Variants in TNNI3K observed in about 807,000 individuals in gnomAD.
TNNI3K encodes TNNI3 interacting kinase, also known as serine/threonine-protein kinase TNNI3K.
In TNNI3K, 140 loss-of-function variants were observed where a neutral mutation model predicts 114.5. The ratio of observed to expected loss-of-function variants is 1.22; its 90% confidence interval spans 1.07 to 1.41. The LOEUF is 1.41. Ranked by LOEUF, TNNI3K falls within the 40% of genes most tolerant of loss-of-function variation. The pLI is 0.00. For missense variants in TNNI3K, 1,125 were observed against 1,007.6 expected (o/e 1.12, Z -1.58); for synonymous variants, 347 against 347.5 (o/e 1.00, Z 0.02).
At chr1:74,511,409 C>T (rs1670215304) in intron 23 of TNNI3K, among the ~76,000 whole-genome samples, 1 of 152,006 alleles carries the variant, frequency 6.6e-6, no homozygotes, top group Admixed American at 6.6e-5. Context: ...GCCTCGAACT[C>T]CTGGTCTCGA....
At chr1:74,398,009 A>C (rs1311982321) in intron 17 of TNNI3K, among the ~76,000 whole-genome samples, 1 of 152,220 alleles carries the variant, frequency 6.6e-6, no homozygotes, top group Non-Finnish European at 1.5e-5. Context: ...AAATTAATAC[A>C]TGGAGAACTG....
intron 20 of TNNI3K, among the ~76,000 whole-genome samples, chr1:74,444,454 AC>A (rs1557569537): frequency 6.6e-6 from 1 of 152,128 alleles, no homozygotes; most frequent in Non-Finnish European, 1.5e-5. Flanking sequence ...AGAAAAAAAA[AC>A]CTAGGAATAC....
At chr1:74,303,583 T>A (rs4333810) in intron 5 of TNNI3K, among the ~76,000 whole-genome samples, 1 of 152,108 alleles carries the variant, frequency 6.6e-6, no homozygotes, top group African/African-American at 2.4e-5. Context: ...CTGATGGAGA[T>A]GTACAAGAAG....
At chr1:74,253,485 G>C (rs543877216) in intron 4 of TNNI3K, among the ~76,000 whole-genome samples, 1 of 152,136 alleles carries the variant, frequency 6.6e-6, no homozygotes, top group Admixed American at 6.5e-5. Context: ...GAGCCCTGCC[G>C]CACGGGGAGG....
chr1:74,303,153 G>A (rs1164872424), intron 5 of TNNI3K, among the ~76,000 whole-genome samples: 2 of 152,096 alleles, frequency 1.3e-5, no homozygotes, highest in Non-Finnish European at 2.9e-5. Flanking sequence ...ATGCCTGGAT[G>A]ACAGCCCATC....
intron 5 of TNNI3K, among the ~76,000 whole-genome samples, chr1:74,320,948 G>A (rs1284716032): frequency 1.3e-5 from 2 of 152,190 alleles, no homozygotes; most frequent in East Asian, 3.8e-4. Flanking sequence ...TCTGTAATGT[G>A]AGGTTGAAGA....
intron 22 of TNNI3K, among the ~76,000 whole-genome samples, chr1:74,491,009 G>A (rs1056687038): frequency 6.6e-6 from 1 of 152,174 alleles, no homozygotes; most frequent in Admixed American, 6.5e-5. Flanking sequence ...CAAAATAAAA[G>A]ATATGATTAG....
chr1:74,347,729 A>T (rs1180384097), intron 9 of TNNI3K, among the ~76,000 whole-genome samples: 2 of 152,022 alleles, frequency 1.3e-5, no homozygotes, highest in African/African-American at 4.8e-5. Context: ...TGTGGTTTTG[A>T]TTTGCATCTC....
At chr1:74,384,195 G>A (rs1182025336) in intron 17 of TNNI3K, among the ~76,000 whole-genome samples, 2 of 152,160 alleles carry the variant, frequency 1.3e-5, no homozygotes, top group South Asian at 2.1e-4. Context: ...GAACAATTCT[G>A]TGGCATTTAA....
intron 17 of TNNI3K, among the ~76,000 whole-genome samples, chr1:74,425,884 G>A (rs9730698): frequency 2.6e-5 from 4 of 152,118 alleles, no homozygotes; most frequent in East Asian, 3.9e-4. Flanking sequence ...AACCATCGTG[G>A]TTGATAACTT....
At chr1:74,357,208 A>G (rs1016922595) in intron 11 of TNNI3K, among the ~76,000 whole-genome samples, 32 of 152,270 alleles carry the variant, frequency 2.1e-4, no homozygotes, top group African/African-American at 7.5e-4. Flanking sequence ...AGGAAGGACT[A>G]AAACTCTACT....
At chr1:74,523,523 G>T (rs887883935) in intron 23 of TNNI3K, among the ~76,000 whole-genome samples, 1 of 151,722 alleles carries the variant, frequency 6.6e-6, no homozygotes, top group Non-Finnish European at 1.5e-5. Context: ...AAAAAAAAAG[G>T]CCTCAAAGTT....
At chr1:74,506,894 T>C (rs551906913) in intron 23 of TNNI3K, among the ~76,000 whole-genome samples, 1 of 152,330 alleles carries the variant, frequency 6.6e-6, no homozygotes, top group South Asian at 2.1e-4. Context: ...CGGAAAAGAT[T>C]TATCTATCTT....
At position 74,436,079 on chromosome 1, in the gene TNNI3K, G is replaced by C. The variant is rs764342720; in HGVS notation, c.1773-1G>C. ...ACTTTTTTTTTTTTTTTTTTTTACA[G>C]TCACAATATTCTTCTCTATGAGGAT... On this transcript the variant is annotated splice_acceptor_variant, in intron 17 of 24. Coordinates refer to ENST00000326637, the MANE Select transcript of TNNI3K (RefSeq NM_015978.3). LOFTEE classifies it high-confidence loss of function. 2 of 1,531,368 alleles carry C rather than the reference G, an allele frequency of 1.3e-6. No homozygotes were observed. The highest frequency in any genetic ancestry group is 4.2e-5 in the Admixed American group (2 of 47,928). 94.9% of individuals were successfully genotyped at this position (1,531,368 alleles called of 1,614,324 possible).
At chr1:74,354,696 C>G (rs536372153) in intron 11 of TNNI3K, among the ~76,000 whole-genome samples, 3 of 152,224 alleles carry the variant, frequency 2.0e-5, no homozygotes, top group Admixed American at 2.0e-4. Flanking sequence ...ATTATTTGAT[C>G]TTGTGCAAAT....
chr1:74,397,023 C>T (rs1664118234), intron 17 of TNNI3K, among the ~76,000 whole-genome samples: 1 of 152,162 alleles, frequency 6.6e-6, no homozygotes, highest in South Asian at 2.1e-4. Context: ...AAGCTGCTGA[C>T]CCTGAAGGCA....
chr1:74,417,189 T>C (rs577185328), intron 17 of TNNI3K, among the ~76,000 whole-genome samples: 24 of 152,090 alleles, frequency 1.6e-4, no homozygotes, highest in Admixed American at 7.9e-4. Context: ...TTAGGATATA[T>C]GTGATGAAGT....
At chr1:74,252,710 C>T (rs1365600050) in intron 4 of TNNI3K, among the ~76,000 whole-genome samples, 4 of 151,878 alleles carry the variant, frequency 2.6e-5, no homozygotes, top group Non-Finnish European at 5.9e-5. Context: ...TAAGGCGGCA[C>T]GTCTGGAGTT....
At chr1:74,407,936 T>C (rs1319401258) in intron 17 of TNNI3K, among the ~76,000 whole-genome samples, 2 of 152,138 alleles carry the variant, frequency 1.3e-5, no homozygotes, top group Non-Finnish European at 2.9e-5. Flanking sequence ...CAATTTTTCC[T>C]TTCAAAGTTC....
Sources: gnomAD v4.1 joint callset for allele counts (sites outside exome capture counted in the v4.1 genomes callset) on GRCh38, gnomAD v4.1.1 for gene constraint, MANE v1.5 for transcripts, NCBI Gene and HGNC (gene_info 2026-07-23, HGNC 2026-07-21) for gene names.